Variants in KLRG1 observed in about 807,000 individuals in gnomAD.
KLRG1 encodes the protein killer cell lectin-like receptor subfamily G member 1.
Under a neutral mutation model 21.8 loss-of-function variants are expected in KLRG1, and 16 were observed. The ratio of observed to expected loss-of-function variants is 0.73; its 90% confidence interval spans 0.50 to 1.11. The LOEUF is 1.11. Among genes scored for constraint, KLRG1 ranks in the 50% most tolerant of loss-of-function variants. The pLI is 0.00. For synonymous variants in KLRG1, 69 were observed against 75.9 expected (o/e 0.91, Z 0.47); for missense variants, 173 against 218.3 (o/e 0.79, Z 1.31).
At chr12:9,028,117 A>G in the KLRG1 span, 4 of 879,910 alleles carry the variant, frequency 4.5e-6, no homozygotes, top group Non-Finnish European at 7.5e-6. Context: ...AACTGTTCAA[A>G]ATTATCTGTT....
chr12:8,964,045 C>G (rs1946423790), intron 1 of KLRG1, among the ~76,000 whole-genome samples: 1 of 152,144 alleles, frequency 6.6e-6, no homozygotes, highest in Non-Finnish European at 1.5e-5. Context: ...TTCAGTTCTG[C>G]TCTGATCTTA....
the KLRG1 span, chr12:9,090,595 G>T: frequency 1.8e-6 from 2 of 1,122,994 alleles, no homozygotes; most frequent in East Asian, 2.5e-5. Context: ...TCACATTAAA[G>T]ATGATATAAA....
chr12:9,119,255 G>A, the KLRG1 span, among the ~76,000 whole-genome samples: 8 of 152,168 alleles, frequency 5.3e-5, no homozygotes, highest in African/African-American at 1.9e-4. Context: ...AAATAAGTGA[G>A]CATTTACTTG....
the KLRG1 span, chr12:9,128,156 G>T: frequency 1.0e-5 from 2 of 195,252 alleles, no homozygotes; most frequent in East Asian, 1.3e-4. Flanking sequence ...CCACAACGAG[G>T]AAATCAGTGC....
At chr12:9,121,028 A>G in the KLRG1 span, among the ~76,000 whole-genome samples, 1 of 150,798 alleles carries the variant, frequency 6.6e-6, no homozygotes, top group African/African-American at 2.4e-5. This position sits in a 1 kb window ranked among gnomAD's most constrained non-coding sequence, Gnocchi z 4.4. Flanking sequence ...CTACAGGTGC[A>G]CTCCACCACG....
intron 1 of KLRG1, chr12:8,990,387 G>T (rs1027966773): frequency 2.0e-5 from 3 of 152,040 alleles, no homozygotes; most frequent in Non-Finnish European, 4.4e-5. Context: ...ATTTTGTATC[G>T]TAGGCAGTGA....
chr12:9,186,437 C>T, the KLRG1 span, among the ~76,000 whole-genome samples: 3 of 152,040 alleles, frequency 2.0e-5, no homozygotes, highest in Non-Finnish European at 4.4e-5. Context: ...ACTAAATGCC[C>T]CAATTAAGAG....
chr12:8,959,101 A>G (rs1298125342), intron 1 of KLRG1, among the ~76,000 whole-genome samples: 1 of 152,208 alleles, frequency 6.6e-6, no homozygotes, highest in Non-Finnish European at 1.5e-5. Flanking sequence ...AGAGGAATTT[A>G]GTTTACAGTT....
At chr12:9,049,281 T>G in the KLRG1 span, among the ~76,000 whole-genome samples, 1 of 151,898 alleles carries the variant, frequency 6.6e-6, no homozygotes, top group Non-Finnish European at 1.5e-5. Flanking sequence ...GGCCACAGAG[T>G]GGTGGATCTA....
the KLRG1 span, among the ~76,000 whole-genome samples, chr12:9,060,966 TTTAAC>T: frequency 6.6e-6 from 1 of 152,346 alleles, no homozygotes; most frequent in Non-Finnish European, 1.5e-5. Flanking sequence ...GTGAAACACA[TTTAAC>T]TTGTCTACTG....
chr12:9,185,678 G>T, the KLRG1 span, among the ~76,000 whole-genome samples: 1 of 151,708 alleles, frequency 6.6e-6, no homozygotes, highest in Non-Finnish European at 1.5e-5. Context: ...AAATGTTAAA[G>T]GTAGCTAGAG....
the KLRG1 span, among the ~76,000 whole-genome samples, chr12:9,087,533 G>A: frequency 6.6e-6 from 1 of 152,094 alleles, no homozygotes; most frequent in Admixed American, 6.6e-5. Flanking sequence ...TGGTGTTCAA[G>A]GGACACAAAG....
At chr12:9,050,469 CA>C in the KLRG1 span, among the ~76,000 whole-genome samples, 3 of 152,196 alleles carry the variant, frequency 2.0e-5, no homozygotes, top group Non-Finnish European at 2.9e-5. Flanking sequence ...GGGGGCTCCC[CA>C]AGGTGCTGCT....
chr12:9,101,169 A>G, the KLRG1 span: 2 of 1,561,868 alleles, frequency 1.3e-6, no homozygotes, highest in Admixed American at 1.9e-5. Context: ...CAAGCAGTCC[A>G]TGAGTCCCAG....
chr12:9,012,728 G>C (rs1188746760), downstream of KLRG1, among the ~76,000 whole-genome samples: 1 of 152,008 alleles, frequency 6.6e-6, no homozygotes, highest in African/African-American at 2.4e-5. Context: ...TTGATTCCAG[G>C]CTCCTGGACA....
chr12:9,159,946 G>T, the KLRG1 span: 10 of 1,611,022 alleles, frequency 6.2e-6, no homozygotes, highest in East Asian at 2.2e-4. Flanking sequence ...ACCAAGTGTT[G>T]CCCTGGTTCC....
intron 1 of KLRG1, among the ~76,000 whole-genome samples, chr12:8,981,997 T>C (rs1946762069): frequency 6.6e-6 from 1 of 152,210 alleles, no homozygotes; most frequent in African/African-American, 2.4e-5. Context: ...CTCTTTATAC[T>C]CACCTATTTT....
the KLRG1 span, among the ~76,000 whole-genome samples, chr12:9,015,943 A>C: frequency 6.6e-6 from 1 of 152,184 alleles, no homozygotes; most frequent in African/African-American, 2.4e-5. Flanking sequence ...GAAGGAAGTT[A>C]AAAAACTTCT....
At chr12:9,034,561 A>T in the KLRG1 span, among the ~76,000 whole-genome samples, 3 of 151,382 alleles carry the variant, frequency 2.0e-5, no homozygotes, top group African/African-American at 7.3e-5. Flanking sequence ...TTCTTCCGCC[A>T]CAGCCTCCCG....
Sources: allele counts gnomAD v4.1 joint callset (sites outside exome capture counted in the v4.1 genomes callset), GRCh38; gene constraint gnomAD v4.1.1; non-coding constraint Gnocchi (gnomAD v3.1); transcripts MANE v1.5; gene names NCBI Gene and HGNC (gene_info 2026-07-23, HGNC 2026-07-21).